The following EFCAB6 variants were observed in gnomAD, a reference collection of about 807,000 sequenced individuals.
EFCAB6 encodes EF-hand calcium-binding domain-containing protein 6.
In EFCAB6, 156 loss-of-function variants were observed where a neutral mutation model predicts 169.8. The observed-to-expected ratio is 0.92, with a 90% confidence interval of 0.81 to 1.05. The LOEUF is 1.05. EFCAB6 is among the 50% of genes least tolerant of loss of function. The probability of loss-of-function intolerance (pLI) is 0.00; values close to 1 mark genes in which losing one functional copy is unlikely to be tolerated. For missense variants in EFCAB6, 1,800 were observed against 1,829.1 expected, an observed-to-expected ratio of 0.98 and a Z score of 0.29; for synonymous variants, 698 against 676.4, an observed-to-expected ratio of 1.03 and a Z score of -0.50.
At chr22:43,585,529 G>C (rs1043080174) in intron 24 of EFCAB6, among the ~76,000 whole-genome samples, 1 of 152,104 alleles carries the variant, frequency 6.6e-6, no homozygotes, top group Non-Finnish European at 1.5e-5. Context: ...GAAAGAGAAA[G>C]AGAAATAAGC....
intron 18 of EFCAB6, 57 bp downstream of exon 18, chr22:43,635,045 G>T (rs1454791328): frequency 5.6e-6 from 8 of 1,421,214 alleles, no homozygotes; most frequent in Non-Finnish European, 8.0e-6. Flanking sequence ...TGCTAGCAAA[G>T]ACATGCAGTG....
intron 6 of EFCAB6, among the ~76,000 whole-genome samples, chr22:43,738,011 TAC>T (rs966033060): frequency 1.4e-5 from 2 of 146,358 alleles, no homozygotes; most frequent in East Asian, 2.1e-4. Flanking sequence ...CACATGCACA[TAC>T]ACTCACACAC....
intron 2 of EFCAB6, among the ~76,000 whole-genome samples, chr22:43,804,727 G>A (rs933216597): frequency 7.0e-6 from 1 of 142,600 alleles, no homozygotes; most frequent in African/African-American, 2.7e-5. Context: ...TCCTGCTACT[G>A]CACTTCAGCC....
chr22:43,633,036 A>G (rs1291521452), intron 18 of EFCAB6, among the ~76,000 whole-genome samples: 1 of 152,204 alleles, frequency 6.6e-6, no homozygotes, highest in Admixed American at 6.5e-5. Context: ...AACGCTCAGG[A>G]GAAGGTCCTC....
intron 26 of EFCAB6, among the ~76,000 whole-genome samples, chr22:43,574,265 A>G (rs1409460446): frequency 6.6e-6 from 1 of 152,172 alleles, no homozygotes; most frequent in African/African-American, 2.4e-5. Flanking sequence ...AGCAAGATAC[A>G]TGAATATATA....
rs374373888 is a variant in EFCAB6 at position 43,599,949 on chromosome 22, C to T, written c.2876+120G>A. On this transcript the variant is annotated intron_variant, in intron 23 of 31. Coordinates refer to ENST00000262726, the MANE Select transcript of EFCAB6 (RefSeq NM_022785.4). ...TAGAATCGACAACTGTGAACAAGCACGATCATTTCCCTGTAACTTTGCCAG... is the reference window on the plus strand; with the variant it reads ...TAGAATCGACAACTGTGAACAAGCATGATCATTTCCCTGTAACTTTGCCAG... 475 of 1,137,510 alleles carry T rather than the reference C, an allele frequency of 4.2e-4. 4 individuals are homozygous for T. In the South Asian group the frequency reaches 6.7e-3, roughly 16 times the overall value. The allele number at this position is 1,137,510 out of a possible 1,614,324, so 70.5% of individuals were successfully genotyped here.
chr22:43,788,851 G>A (rs1273301580), intron 2 of EFCAB6, among the ~76,000 whole-genome samples: 1 of 152,220 alleles, frequency 6.6e-6, no homozygotes, highest in African/African-American at 2.4e-5. Flanking sequence ...CAGTGGGTGA[G>A]TGGATAAACA....
chr22:43,658,385 G>A (rs1225010501), intron 17 of EFCAB6, among the ~76,000 whole-genome samples: 1 of 152,216 alleles, frequency 6.6e-6, no homozygotes, highest in Non-Finnish European at 1.5e-5. Context: ...ATTAAACAGA[G>A]AAATTGGGTT....
At chr22:43,749,772 G>T (rs112520415) in intron 6 of EFCAB6, among the ~76,000 whole-genome samples, 1 of 152,264 alleles carries the variant, frequency 6.6e-6, no homozygotes, top group African/African-American at 2.4e-5. Flanking sequence ...AACTTCCCAC[G>T]TAAGAACTCG....
chr22:43,656,784 A>C (rs954361974), intron 17 of EFCAB6, among the ~76,000 whole-genome samples: 2 of 134,566 alleles, frequency 1.5e-5, no homozygotes, highest in Non-Finnish European at 3.3e-5. Flanking sequence ...GGTTTGTTGT[A>C]AGGTTATACC....
chr22:43,665,129 G>T (rs9614170), intron 17 of EFCAB6, among the ~76,000 whole-genome samples: 34,448 of 152,102 alleles, frequency 0.23, 5,109 homozygotes, highest in East Asian at 0.61. Flanking sequence ...GAACAGGAAG[G>T]ATGTAGGCGG....
chr22:43,595,900 T>C (rs1290861451), intron 23 of EFCAB6, among the ~76,000 whole-genome samples: 1 of 152,128 alleles, frequency 6.6e-6, no homozygotes, highest in Non-Finnish European at 1.5e-5. Context: ...CCATTCACCA[T>C]GATCAAGTGG....
At chr22:43,807,184 G>A (rs962542962) in intron 2 of EFCAB6, among the ~76,000 whole-genome samples, 4 of 152,174 alleles carry the variant, frequency 2.6e-5, no homozygotes, top group African/African-American at 9.6e-5. Flanking sequence ...ATGACTGCAA[G>A]GGATAGAAGC....
rs778324557 is a variant in EFCAB6, at chr22:43,711,663, T to G, written c.883-40A>C. On this transcript the variant is annotated intron_variant, in intron 9 of 31. Transcript: ENST00000262726. ...AATTAGAGTGTGGCGTTCATAAATA[T>G]CAACTTCATGGAGCTATTCAACCAT... 3 of 1,564,442 alleles carry G rather than the reference T, an allele frequency of 1.9e-6. No individual in the cohort carries two copies. The South Asian group carries it at 3.7e-5, about 19-fold the overall frequency.
At chr22:43,668,579 G>A (rs973627611) in intron 16 of EFCAB6, among the ~76,000 whole-genome samples, 11 of 152,180 alleles carry the variant, frequency 7.2e-5, no homozygotes, top group Non-Finnish European at 1.6e-4. Context: ...GTCCCTGGGA[G>A]TCAGGAGTCC....
intron 10 of EFCAB6, among the ~76,000 whole-genome samples, chr22:43,696,984 C>T (rs2058598975): frequency 6.6e-6 from 1 of 152,056 alleles, no homozygotes; most frequent in South Asian, 2.1e-4. Context: ...AGAAAATGGA[C>T]AAAGGACATA....
chr22:43,708,588 A>G (rs1156891401), intron 10 of EFCAB6, among the ~76,000 whole-genome samples: 1 of 152,218 alleles, frequency 6.6e-6, no homozygotes, highest in Non-Finnish European at 1.5e-5. Context: ...ATTTTAAAAC[A>G]TATAGATATA....
At chr22:43,540,077 TG>T in intron 28 of EFCAB6, 49 bp downstream of exon 28, 6 of 1,595,408 alleles carry the variant, frequency 3.8e-6, no homozygotes, top group Non-Finnish European at 5.1e-6. Flanking sequence ...GTGGGATTTG[TG>T]GATGTGGCAT....
chr22:43,721,084 G>A (rs1192508251), intron 8 of EFCAB6, among the ~76,000 whole-genome samples: 2 of 152,032 alleles, frequency 1.3e-5, no homozygotes, highest in African/African-American at 2.4e-5. Context: ...CATCAATAAT[G>A]TCCAGGCTGA....
Sources: gnomAD v4.1 joint callset for allele counts (sites outside exome capture counted in the v4.1 genomes callset) on GRCh38, gnomAD v4.1.1 for gene constraint, MANE v1.5 for transcripts, NCBI Gene and HGNC (gene_info 2026-07-23, HGNC 2026-07-21) for gene names.